Variants in MRPS28 observed in about 807,000 individuals in gnomAD.
MRPS28 encodes small ribosomal subunit protein bS1m.
A neutral mutation model predicts 10.8 loss-of-function variants in MRPS28; 7 were observed. The observed-to-expected ratio is 0.65, with a 90% CI of 0.37 to 1.22. MRPS28 has a LOEUF of 1.22. MRPS28 is among the 50% of genes most tolerant of loss of function. MRPS28 has a pLI of 0.02. For synonymous variants in MRPS28, 121 were observed against 93.3 expected, an observed-to-expected ratio of 1.30 and a Z score of -1.71; for missense variants, 265 against 232.9, an observed-to-expected ratio of 1.14 and a Z score of -0.90.
chr8:80,001,235 G>T (rs1228168996), intron 2 of MRPS28, among the ~76,000 whole-genome samples: 1 of 152,120 alleles, frequency 6.6e-6, no homozygotes, highest in Non-Finnish European at 1.5e-5. Context: ...TTGTAAGGAG[G>T]GGACTAAGGA....
At chr8:79,971,395 G>T (rs1246743365) in intron 2 of MRPS28, among the ~76,000 whole-genome samples, 1 of 152,006 alleles carries the variant, frequency 6.6e-6, no homozygotes, top group Non-Finnish European at 1.5e-5. Flanking sequence ...CAATTCAATG[G>T]CTTTTGGTAT....
chr8:79,932,189 T>C (rs539699719), intron 2 of MRPS28, among the ~76,000 whole-genome samples: 7 of 152,070 alleles, frequency 4.6e-5, no homozygotes, highest in Admixed American at 4.6e-4. Context: ...CCAGTACTCT[T>C]AGAGCTTACA....
chr8:80,002,835 A>G (rs1262134491), intron 2 of MRPS28, among the ~76,000 whole-genome samples, 164 bp downstream of exon 2: 1 of 152,214 alleles, frequency 6.6e-6, no homozygotes, highest in Admixed American at 6.5e-5. Flanking sequence ...GCCTGACATG[A>G]CCAACAAGTA....
chr8:80,019,322 CTACT>C (rs1809292996), intron 1 of MRPS28, among the ~76,000 whole-genome samples: 1 of 143,270 alleles, frequency 7.0e-6, no homozygotes, highest in African/African-American at 2.6e-5. Context: ...GCATATACAC[CTACT>C]ATGTACCCAC....
chr8:79,920,153 G>C (rs1056623837), intron 2 of MRPS28, among the ~76,000 whole-genome samples: 10 of 152,096 alleles, frequency 6.6e-5, no homozygotes, highest in Non-Finnish European at 1.0e-4. Context: ...GTATTCCATG[G>C]TGTATATGTG....
At chr8:80,000,259 G>A (rs1164901897) in intron 2 of MRPS28, among the ~76,000 whole-genome samples, 1 of 152,172 alleles carries the variant, frequency 6.6e-6, no homozygotes. Context: ...TTTATTTTGT[G>A]ACTCCTTTGA....
intron 2 of MRPS28, among the ~76,000 whole-genome samples, chr8:79,997,757 T>C (rs1020213324): frequency 7.9e-5 from 12 of 152,120 alleles, no homozygotes; most frequent in Admixed American, 7.9e-4. Context: ...AAACACATTC[T>C]GAAATGAGTA....
intron 1 of MRPS28, among the ~76,000 whole-genome samples, chr8:80,022,915 G>T (rs934024748): frequency 3.3e-5 from 5 of 151,874 alleles, no homozygotes; most frequent in African/African-American, 1.2e-4. Flanking sequence ...AGTCTGATTG[G>T]GTATAATCAG....
intron 2 of MRPS28, among the ~76,000 whole-genome samples, chr8:79,932,429 A>C (rs913323268): frequency 6.6e-6 from 1 of 152,172 alleles, no homozygotes; most frequent in Non-Finnish European, 1.5e-5. Flanking sequence ...CGTTGGTTCA[A>C]AGGCTCACGG....
Position 80,003,050 on chromosome 8 carries a change from T to C in MRPS28, c.344A>G (p.Asp115Gly). ...FHIVENDLYI[D>G]FGGKFHCVCR... is the part of the protein sequence containing the mutation. ...TACACAATGAAACTTTCCACCAAAATCTATGTACAGATCATTCTCCACAAT... is the reference window on the plus strand; with the variant it reads ...TACACAATGAAACTTTCCACCAAAACCTATGTACAGATCATTCTCCACAAT... The change falls in exon 2 of 3, where the codon GAT becomes GGT. Residue 115 changes from aspartate (D) to glycine (G), a missense_variant. Coordinates refer to ENST00000276585, the MANE Select transcript of MRPS28 (RefSeq NM_014018.3). The C allele has an allele frequency of 2.5e-6, 4 of 1,609,880 alleles. No individual in the cohort carries two copies. Among genetic ancestry groups the C allele is most frequent in the Non-Finnish European group, 3.4e-6 (4 of 1,178,936 alleles).
At chr8:79,963,505 C>T (rs1807423867) in intron 2 of MRPS28, among the ~76,000 whole-genome samples, 1 of 152,080 alleles carries the variant, frequency 6.6e-6, no homozygotes, top group Non-Finnish European at 1.5e-5. Flanking sequence ...CAGCAAAATG[C>T]ATTTAGCCTA....
intron 2 of MRPS28, among the ~76,000 whole-genome samples, chr8:79,963,223 CAT>C (rs904913293): frequency 1.7e-4 from 26 of 152,218 alleles, no homozygotes; most frequent in African/African-American, 6.0e-4. Flanking sequence ...CAAAGAAAAA[CAT>C]ATGCAAACAT....
At chr8:80,027,581 C>A (rs1809524402) in intron 1 of MRPS28, among the ~76,000 whole-genome samples, 1 of 152,150 alleles carries the variant, frequency 6.6e-6, no homozygotes, top group African/African-American at 2.4e-5. Flanking sequence ...ATTATAGAGC[C>A]CAACTTTAGG....
chr8:79,923,264 C>T (rs963913966), intron 2 of MRPS28, among the ~76,000 whole-genome samples: 4 of 152,174 alleles, frequency 2.6e-5, no homozygotes, highest in African/African-American at 9.7e-5. Flanking sequence ...TAATGCCACA[C>T]AGTGGTGTAA....
chr8:79,965,714 AAATT>A (rs1211445081), intron 2 of MRPS28, among the ~76,000 whole-genome samples: 3 of 152,090 alleles, frequency 2.0e-5, no homozygotes, highest in African/African-American at 4.8e-5. Context: ...GAATGCAAAG[AAATT>A]AATTAATGAA....
At chr8:79,964,733 A>C (rs1381943610) in intron 2 of MRPS28, among the ~76,000 whole-genome samples, 1 of 152,128 alleles carries the variant, frequency 6.6e-6, no homozygotes, top group African/African-American at 2.4e-5. Context: ...AAATAAGTGA[A>C]TACATGGGAG....
chr8:79,945,180 C>T (rs982608909), intron 2 of MRPS28, among the ~76,000 whole-genome samples: 4 of 152,074 alleles, frequency 2.6e-5, no homozygotes, highest in Non-Finnish European at 4.4e-5. Context: ...AACCTAGTCA[C>T]ATGAAAAGCC....
intron 2 of MRPS28, among the ~76,000 whole-genome samples, chr8:79,985,619 AAACT>A (rs1336036251): frequency 6.6e-6 from 1 of 152,212 alleles, no homozygotes; most frequent in East Asian, 1.9e-4. Context: ...ACAGAAATAC[AAACT>A]AACATCAGAG....
At chr8:79,957,269 T>G (rs1375781240) in intron 2 of MRPS28, 1 of 152,030 alleles carries the variant, frequency 6.6e-6, no homozygotes, top group Non-Finnish European at 1.5e-5. Flanking sequence ...TGGTCTGCTA[T>G]TTTAAAAAAA....
Sources: allele counts gnomAD v4.1 joint callset (sites outside exome capture counted in the v4.1 genomes callset), GRCh38; gene constraint gnomAD v4.1.1; transcripts MANE v1.5; gene names NCBI Gene and HGNC (gene_info 2026-07-23, HGNC 2026-07-21).